The following FILIP1 variants were observed in gnomAD, a reference collection of about 807,000 sequenced individuals.
FILIP1 encodes filamin-A-interacting protein 1.
FILIP1 carries 61 observed loss-of-function variants against 102.1 expected under a neutral mutation model. The ratio of observed to expected loss-of-function variants is 0.60; its 90% confidence interval spans 0.49 to 0.74. FILIP1 has a LOEUF of 0.74. Among genes scored for constraint, FILIP1 ranks in the 30% least tolerant of loss-of-function variants. FILIP1 has a pLI of 0.00. For synonymous variants in FILIP1, 491 were observed against 526.9 expected (o/e 0.93, Z 0.93); for missense variants, 1,314 against 1,441.2 (o/e 0.91, Z 1.43).
At chr6:75,330,926 C>T (rs961118392) in intron 4 of FILIP1, among the ~76,000 whole-genome samples, 1 of 152,166 alleles carries the variant, frequency 6.6e-6, no homozygotes, top group Non-Finnish European at 1.5e-5. Flanking sequence ...ACAAACTAAA[C>T]TGATTGTGAA....
At chr6:75,301,518 T>C (rs184986801) in intron 6 of FILIP1, among the ~76,000 whole-genome samples, 112 of 152,330 alleles carry the variant, frequency 7.4e-4, no homozygotes, top group Non-Finnish European at 1.0e-3. Flanking sequence ...CTCTAAGGTC[T>C]ATTTCAGTTC....
intron 2 of FILIP1, among the ~76,000 whole-genome samples, chr6:75,372,193 C>T (rs1019869446): frequency 8.6e-5 from 13 of 151,776 alleles, no homozygotes; most frequent in African/African-American, 3.1e-4. Context: ...CATGGAGAAA[C>T]CCCGTCTCTA....
chr6:75,325,115 A>T (rs1345267200), intron 4 of FILIP1, among the ~76,000 whole-genome samples: 1 of 152,224 alleles, frequency 6.6e-6, no homozygotes, highest in African/African-American at 2.4e-5. Flanking sequence ...AAGCTTCTGT[A>T]CAGCAAAAGA....
At chr6:75,481,278 C>A (rs112186750) in intron 1 of FILIP1, among the ~76,000 whole-genome samples, 4 of 152,288 alleles carry the variant, frequency 2.6e-5, no homozygotes, top group African/African-American at 7.2e-5. Flanking sequence ...ATCCCTAGCT[C>A]GGTGCCTGAA....
In FILIP1 at chr6:75,414,689, G is replaced by T. The variant is rs1777190292; in HGVS notation, c.276+8C>A. ...GACACAATAACAGTTGGGAAAGTTT[G>T]ACTCTACCTGCAACTCCCCTTCCAT... On this transcript the variant is annotated splice_region_variant and intron_variant, in intron 2 of 5. Coordinates refer to ENST00000237172, the MANE Select transcript of FILIP1 (RefSeq NM_015687.5). The T allele has an allele frequency of 1.9e-6, 3 of 1,607,936 alleles. No homozygotes were observed. The South Asian group carries it at 3.3e-5, about 18-fold the overall frequency.
chr6:75,366,790 A>T (rs1251154101), intron 2 of FILIP1, among the ~76,000 whole-genome samples: 1 of 152,200 alleles, frequency 6.6e-6, no homozygotes, highest in African/African-American at 2.4e-5. Flanking sequence ...TGATATTGTT[A>T]AAACTGTCTG....
intron 2 of FILIP1, among the ~76,000 whole-genome samples, chr6:75,374,158 T>C (rs1775671588): frequency 6.6e-6 from 1 of 152,238 alleles, no homozygotes; most frequent in Non-Finnish European, 1.5e-5. Flanking sequence ...AGGATATTAA[T>C]AGTGTGTCAG....
chr6:75,350,679 A>G (rs1247127608), intron 4 of FILIP1, among the ~76,000 whole-genome samples: 1 of 152,168 alleles, frequency 6.6e-6, no homozygotes, highest in East Asian at 1.9e-4. Flanking sequence ...AAAAACAAAG[A>G]AAAATAAACA....
chr6:75,451,618 G>A (rs1778634305), intron 1 of FILIP1, among the ~76,000 whole-genome samples: 2 of 151,322 alleles, frequency 1.3e-5, no homozygotes, highest in Admixed American at 1.3e-4. Context: ...ATCACTCGAG[G>A]TCAAGAGTTT....
chr6:75,351,287 T>C (rs185987016), intron 4 of FILIP1, among the ~76,000 whole-genome samples: 3 of 152,280 alleles, frequency 2.0e-5, no homozygotes, highest in African/African-American at 7.2e-5. Flanking sequence ...GCTCTCGAAC[T>C]CCTGACCCCA....
chr6:75,394,953 T>C (rs1397326124), intron 2 of FILIP1, among the ~76,000 whole-genome samples: 2 of 152,174 alleles, frequency 1.3e-5, no homozygotes, highest in Non-Finnish European at 2.9e-5. Context: ...GTATAATATA[T>C]TAATGGAGCA....
intron 1 of FILIP1, among the ~76,000 whole-genome samples, chr6:75,441,615 C>A (rs1314532660): frequency 3.4e-5 from 5 of 147,560 alleles, no homozygotes; most frequent in African/African-American, 7.8e-5. Context: ...GGGGGCTGAC[C>A]CCCCCGACCT....
intron 2 of FILIP1, among the ~76,000 whole-genome samples, chr6:75,409,490 C>A (rs961452045): frequency 1.3e-5 from 2 of 152,116 alleles, no homozygotes; most frequent in African/African-American, 4.8e-5. Context: ...AAACTAACCA[C>A]GGGAAGAATT....
At chr6:75,375,545 C>T (rs544199765) in intron 2 of FILIP1, among the ~76,000 whole-genome samples, 1 of 152,242 alleles carries the variant, frequency 6.6e-6, no homozygotes, top group African/African-American at 2.4e-5. Flanking sequence ...TATGAGATAA[C>T]CTAAAGGAGC....
chr6:75,441,079 A>G (rs1001360799), intron 1 of FILIP1, among the ~76,000 whole-genome samples: 2 of 151,398 alleles, frequency 1.3e-5, no homozygotes, highest in African/African-American at 4.9e-5. Flanking sequence ...AGGTCAGCAG[A>G]TAAACAAGTG....
chr6:75,349,393 G>T lies in FILIP1; in HGVS notation c.629+4146C>A, dbSNP rs566391781. 3.9e-3 allele frequency among the ~76,000 whole-genome samples: 589 copies of T among 152,120 alleles called. 4 individuals carry two copies. The highest frequency in any genetic ancestry group is 0.01 in the Middle Eastern group (3 of 294). ...CACCACCAAATCAATAAGCCGCCTG[G>T]AATGGAGACAGCCTGCAGAGTCTCA... On this transcript the variant is annotated intron_variant, in intron 4 of 5. Coordinates refer to ENST00000237172, the MANE Select transcript of FILIP1 (RefSeq NM_015687.5).
At chr6:75,451,821 G>A (rs942931245) in intron 1 of FILIP1, among the ~76,000 whole-genome samples, 6 of 151,998 alleles carry the variant, frequency 3.9e-5, no homozygotes, top group African/African-American at 7.3e-5. Context: ...GCATTGCAGC[G>A]AGACTCCATC....
chr6:75,419,852 A>C (rs979407379), intron 1 of FILIP1, among the ~76,000 whole-genome samples: 11 of 152,154 alleles, frequency 7.2e-5, no homozygotes, highest in Non-Finnish European at 1.5e-5. Flanking sequence ...ATTTCTCATG[A>C]GGTTATCACG....
chr6:75,315,295 A>C (rs1582328469), intron 4 of FILIP1, 93 bp from the exon 5 acceptor site: 2 of 764,014 alleles, frequency 2.6e-6, no homozygotes, highest in East Asian at 6.0e-5. Context: ...CCACTACAAT[A>C]AATCCCTTAT....
Sources: allele counts gnomAD v4.1 joint callset (sites outside exome capture counted in the v4.1 genomes callset), GRCh38; gene constraint gnomAD v4.1.1; transcripts MANE v1.5; gene names NCBI Gene and HGNC (gene_info 2026-07-23, HGNC 2026-07-21).